WDR49: variants seen among roughly 807,000 people sequenced by gnomAD.
The protein encoded by WDR49 is cilia- and flagella-associated protein 337.
In WDR49, 107 loss-of-function variants were observed where a neutral mutation model predicts 119.5. The observed-to-expected ratio is 0.90, with a 90% CI of 0.77 to 1.05. The LOEUF (loss-of-function observed/expected upper bound fraction) is 1.05, where lower values mean the gene tolerates loss of function less well. WDR49 is among the 50% of genes least tolerant of loss of function. WDR49 has a pLI of 0.00. For missense variants in WDR49, 1,240 were observed against 1,220.5 expected (o/e 1.02, Z -0.24); for synonymous variants, 425 against 418.8 (o/e 1.01, Z -0.18).
At chr3:167,557,132 G>A (rs1024997178) in intron 9 of WDR49, among the ~76,000 whole-genome samples, 2 of 152,070 alleles carry the variant, frequency 1.3e-5, no homozygotes, top group East Asian at 1.9e-4. Flanking sequence ...GAGAGGCAGC[G>A]GTTGCAGTGA....
chr3:167,631,320 T>TA (rs1440265645), intron 2 of WDR49, among the ~76,000 whole-genome samples: 1 of 151,816 alleles, frequency 6.6e-6, no homozygotes, highest in Non-Finnish European at 1.5e-5. Flanking sequence ...ATAAATAATT[T>TA]AAAAAAGAGA....
At chr3:167,505,909 T>G (rs1024475520) in intron 16 of WDR49, among the ~76,000 whole-genome samples, 3 of 152,158 alleles carry the variant, frequency 2.0e-5, no homozygotes, top group Non-Finnish European at 4.4e-5. Flanking sequence ...TAACTTGAAT[T>G]CACAGAAAGG....
At chr3:167,582,951 CACACACACACACACACAT>C (rs1343133481) in intron 7 of WDR49, among the ~76,000 whole-genome samples, 4 of 147,706 alleles carry the variant, frequency 2.7e-5, no homozygotes, top group Non-Finnish European at 4.5e-5. Flanking sequence ...TCAAAACAAA[CACACACACACACACACAT>C]ACACACACAC....
intron 9 of WDR49, among the ~76,000 whole-genome samples, chr3:167,556,005 G>A (rs921425057): frequency 6.6e-6 from 1 of 152,150 alleles, no homozygotes; most frequent in Non-Finnish European, 1.5e-5. Flanking sequence ...GTAAGTATTT[G>A]CGTATCTAAA....
intron 7 of WDR49, among the ~76,000 whole-genome samples, chr3:167,596,742 G>T (rs963340638): frequency 1.9e-5 from 2 of 104,164 alleles, no homozygotes; most frequent in African/African-American, 3.7e-5. Context: ...AGGGGGGAGG[G>T]ATAGCACTGG....
intron 18 of WDR49, among the ~76,000 whole-genome samples, chr3:167,480,765 A>G (rs779782829): frequency 5.3e-5 from 8 of 152,230 alleles, no homozygotes; most frequent in Non-Finnish European, 1.0e-4. Flanking sequence ...TACGAAGGCC[A>G]GCAGCAGCAT....
chr3:167,492,455 A>G (rs1751178034), intron 18 of WDR49, among the ~76,000 whole-genome samples: 1 of 152,122 alleles, frequency 6.6e-6, no homozygotes, highest in Non-Finnish European at 1.5e-5. Context: ...TTTATGCCAC[A>G]AATTCTTTAT....
intron 9 of WDR49, 106 bp from the exon 10 acceptor site, chr3:167,554,904 T>A: frequency 1.2e-6 from 1 of 831,636 alleles, no homozygotes; most frequent in African/African-American, 1.8e-5. Context: ...GAAAATCAAC[T>A]CATCATTGAA....
At chr3:167,538,770 G>T (rs753893531) in intron 10 of WDR49, among the ~76,000 whole-genome samples, 3 of 152,140 alleles carry the variant, frequency 2.0e-5, no homozygotes, top group Non-Finnish European at 2.9e-5. Context: ...ATCAAAGAAG[G>T]CTGAGTTGAA....
At chr3:167,483,458 C>T (rs570962805) in intron 18 of WDR49, among the ~76,000 whole-genome samples, 19 of 152,112 alleles carry the variant, frequency 1.2e-4, no homozygotes, top group South Asian at 6.2e-4. Flanking sequence ...TTAAGAGAGA[C>T]GAACTCACTT....
chr3:167,579,455 T>C lies in WDR49; in HGVS notation c.1276-3304A>G, dbSNP rs554827368. ...GACTTTTTAAAATATCTTACAGAAA[T>C]AATTATGCTTCTAGCATAGGGTAAT... On this transcript the variant is annotated intron_variant, in intron 7 of 18. Transcript: ENST00000682715. 7.2e-5 allele frequency among the ~76,000 whole-genome samples: 11 copies of C among 152,224 alleles called. 1 individual carries two copies. The South Asian group carries it at 2.3e-3, about 32-fold the overall frequency.
intron 18 of WDR49, among the ~76,000 whole-genome samples, chr3:167,495,853 T>A (rs1577196885): frequency 8.4e-6 from 1 of 119,132 alleles, no homozygotes; most frequent in East Asian, 2.3e-4. Flanking sequence ...GAACTATGGA[T>A]GCAGGGAAAT....
At chr3:167,578,239 G>T (rs1482306804) in intron 7 of WDR49, among the ~76,000 whole-genome samples, 4 of 152,028 alleles carry the variant, frequency 2.6e-5, no homozygotes, top group Non-Finnish European at 5.9e-5. Context: ...CTAGGGGAGG[G>T]TAGTCATCCA....
At chr3:167,655,663 C>A (rs572402877), upstream of WDR49, among the ~76,000 whole-genome samples, 15 of 152,238 alleles carry the variant, frequency 9.9e-5, no homozygotes, top group East Asian at 2.9e-3. Flanking sequence ...TTTGGGAAGC[C>A]AAGACAGGCA....
chr3:167,574,811 A>G (rs931206119), intron 8 of WDR49, among the ~76,000 whole-genome samples: 2 of 152,210 alleles, frequency 1.3e-5, no homozygotes, highest in African/African-American at 4.8e-5. Flanking sequence ...TTGGAAGCAA[A>G]TACATCTCTC....
At chr3:167,533,365 T>C (rs146746308) in intron 11 of WDR49, among the ~76,000 whole-genome samples, 2 of 152,128 alleles carry the variant, frequency 1.3e-5, no homozygotes, top group African/African-American at 4.8e-5. Flanking sequence ...AAAGAGTTAA[T>C]AATTTTATTT....
chr3:167,588,315 T>C (rs1714921758), intron 7 of WDR49, among the ~76,000 whole-genome samples: 1 of 152,218 alleles, frequency 6.6e-6, no homozygotes, highest in Admixed American at 6.5e-5. Context: ...AGTACTCTAC[T>C]GTTTGTAAAT....
chr3:167,559,315 A>G (rs1185180088), intron 9 of WDR49, among the ~76,000 whole-genome samples: 2 of 152,188 alleles, frequency 1.3e-5, no homozygotes, highest in Admixed American at 1.3e-4. Context: ...TCAGGGAATT[A>G]CCTTCTATTG....
intron 6 of WDR49, among the ~76,000 whole-genome samples, chr3:167,602,586 T>TC (rs200622709): frequency 0.015 from 2,233 of 152,194 alleles, 59 homozygotes; most frequent in African/African-American, 0.051. Flanking sequence ...GGGGACAGAA[T>TC]CCTTCTTCCT....
Sources: gnomAD v4.1 joint callset for allele counts (sites outside exome capture counted in the v4.1 genomes callset) on GRCh38, gnomAD v4.1.1 for gene constraint, MANE v1.5 for transcripts, NCBI Gene and HGNC (gene_info 2026-07-23, HGNC 2026-07-21) for gene names.